Variants in GUCY2F observed in about 807,000 individuals in gnomAD.
The protein encoded by GUCY2F is guanylate cyclase 2F, retinal.
A neutral mutation model predicts 73.1 loss-of-function variants in GUCY2F; 61 were observed. That is an observed-to-expected ratio of 0.83 (90% CI 0.68 to 1.03). The LOEUF is 1.03. Among genes scored for constraint, GUCY2F ranks in the 50% least tolerant of loss-of-function variants. GUCY2F has a pLI of 0.00. For missense variants in GUCY2F, 912 were observed against 854.3 expected (o/e 1.07, Z -0.84); for synonymous variants, 331 against 307.8 (o/e 1.08, Z -0.79).
chrX:109,420,269 T>G (rs866331754), intron 8 of GUCY2F, among the ~76,000 whole-genome samples: 157 of 47,853 alleles, frequency 3.3e-3, no homozygotes, highest in Middle Eastern at 0.017. Flanking sequence ...GGGGGAGGGA[T>G]GGAGGGAGGG....
At chrX:109,425,788 C>CA (rs1931473977) in intron 8 of GUCY2F, among the ~76,000 whole-genome samples, 1 of 109,696 alleles carries the variant, frequency 9.1e-6, no homozygotes, top group South Asian at 3.9e-4. Context: ...CTGTTCCCCC[C>CA]AAAAAACTAT....
chrX:109,377,698 G>T (rs896273816), intron 17 of GUCY2F, among the ~76,000 whole-genome samples: 1 of 111,165 alleles, frequency 9.0e-6, no homozygotes, highest in Non-Finnish European at 1.9e-5. Flanking sequence ...AAACTCAAGG[G>T]CCCCCCACCC....
chrX:109,474,739 G>GT (rs1191212808), intron 2 of GUCY2F, among the ~76,000 whole-genome samples: 1 of 112,070 alleles, frequency 8.9e-6, no homozygotes, highest in Non-Finnish European at 1.9e-5. Flanking sequence ...CAGATTCTAA[G>GT]TAAGTGTCCC....
intron 3 of GUCY2F, among the ~76,000 whole-genome samples, chrX:109,458,767 G>C (rs545754391): frequency 5.9e-4 from 66 of 111,022 alleles, no homozygotes; most frequent in South Asian, 4.6e-3. Context: ...ATTAATTGAG[G>C]GGTTATCAGG....
intron 11 of GUCY2F, among the ~76,000 whole-genome samples, chrX:109,397,683 G>T (rs936104118): frequency 1.8e-5 from 2 of 111,847 alleles, no homozygotes; most frequent in Non-Finnish European, 3.8e-5. Flanking sequence ...GCATGTAATT[G>T]TTGTGTCTTT....
intron 7 of GUCY2F, among the ~76,000 whole-genome samples, chrX:109,434,116 C>T (rs1931678090): frequency 9.1e-6 from 1 of 110,287 alleles, no homozygotes; most frequent in African/African-American, 3.3e-5. Flanking sequence ...AAAGATGAGA[C>T]AAAGAGGAAA....
At chrX:109,454,190 G>A (rs1932206831) in intron 3 of GUCY2F, among the ~76,000 whole-genome samples, 1 of 111,932 alleles carries the variant, frequency 8.9e-6, no homozygotes, top group African/African-American at 3.2e-5. Flanking sequence ...GTATAGAATA[G>A]ACAAGGGGAG....
At chrX:109,458,377 A>T (rs1443314592) in intron 3 of GUCY2F, among the ~76,000 whole-genome samples, 1 of 111,679 alleles carries the variant, frequency 9.0e-6, no homozygotes, top group Non-Finnish European at 1.9e-5. Flanking sequence ...TCAACCACAA[A>T]ATGTAGATAT....
rs1445838644 is a variant in GUCY2F at position 109,475,198 on chromosome X, A to C, written c.730+9T>G. 1 of 1,189,958 alleles carries C rather than the reference A, an allele frequency of 8.4e-7. No homozygotes were observed. ...TCACGTTTAAATTTCAGCGGGAGAA[A>C]GCACTCACTGCGAATTCTGTCTGCC... On this transcript the variant is annotated intron_variant, in intron 2 of 19. Coordinates refer to ENST00000218006, the MANE Select transcript of GUCY2F (RefSeq NM_001522.3).
chrX:109,467,957 T>TA (rs1932503377), intron 2 of GUCY2F, among the ~76,000 whole-genome samples: 1 of 111,670 alleles, frequency 9.0e-6, no homozygotes, highest in Non-Finnish European at 1.9e-5. Flanking sequence ...CACATGGAGG[T>TA]AGAACAGCCC....
chrX:109,418,930 C>T (rs1931305291), intron 8 of GUCY2F, among the ~76,000 whole-genome samples: 2 of 110,077 alleles, frequency 1.8e-5, no homozygotes, highest in African/African-American at 3.3e-5. Context: ...ACAGATCATA[C>T]GGATATCAGT....
rs755991142 is a variant in GUCY2F at position 109,475,908 on chromosome X, C to G, written c.29G>C (p.Arg10Pro). Residue 10 changes from arginine (R) to proline (P), a missense_variant, in exon 2 of 20, where the codon CGC becomes CCC. Transcript: ENST00000218006. ...GAAAGCCGCAAACCAGAGAACAAGG[C>G]GAGAAAAGCGCCCGAGTCCCAGGAA... is the stretch of plus-strand genomic sequence containing the variant. MFLGLGRFS[R>P]LVLWFAAFRK... The G allele has an allele frequency of 1.7e-6, 2 of 1,206,196 alleles. No individual in the cohort carries two copies. Among genetic ancestry groups the G allele is most frequent in the Non-Finnish European group, 2.2e-6 (2 of 893,210 alleles).
chrX:109,414,242 G>A (rs1011315837), intron 8 of GUCY2F, among the ~76,000 whole-genome samples: 7 of 111,864 alleles, frequency 6.3e-5, no homozygotes, highest in Middle Eastern at 4.3e-3. Context: ...AAAGTGCTGG[G>A]ATTACAGGCA....
At chrX:109,413,453 G>A (rs1416698299) in intron 8 of GUCY2F, among the ~76,000 whole-genome samples, 1 of 109,593 alleles carries the variant, frequency 9.1e-6, no homozygotes, top group Non-Finnish European at 1.9e-5. Flanking sequence ...CACCTAGGTT[G>A]GAGTGCAGTG....
intron 7 of GUCY2F, among the ~76,000 whole-genome samples, chrX:109,436,052 AT>A (rs1464851906): frequency 9.0e-6 from 1 of 111,705 alleles, no homozygotes; most frequent in Non-Finnish European, 1.9e-5. Flanking sequence ...AAGGGCTAAT[AT>A]CCAGAATCTA....
rs1223150679 is a variant in GUCY2F at position 109,453,877 on chromosome X, A to G, written c.1033-18T>C. On this transcript the variant is annotated intron_variant, in intron 3 of 19. Coordinates refer to ENST00000218006, the MANE Select transcript of GUCY2F (RefSeq NM_001522.3). ...GGTGAAACCTATTTTTAAAAATTAC[A>G]ATTATCTTGAGCCCTGGTCGCCCTA... 2 of 983,775 alleles carry G rather than the reference A, an allele frequency of 2.0e-6. No homozygotes were observed. The highest frequency in any genetic ancestry group is 2.6e-5 in the Admixed American group (1 of 38,135). The allele number at this position is 983,775 out of a possible 1,213,427, so 81.1% of individuals were successfully genotyped here.
chrX:109,469,671 T>G (rs2300113), intron 2 of GUCY2F, among the ~76,000 whole-genome samples: 28,321 of 110,124 alleles, frequency 0.26, 3,403 homozygotes, highest in Non-Finnish European at 0.36. Flanking sequence ...GAGGGCAGCA[T>G]GCAGATTTAT....
chrX:109,478,796 G>A (rs1932743411), intron 1 of GUCY2F, among the ~76,000 whole-genome samples: 1 of 112,562 alleles, frequency 8.9e-6, no homozygotes, highest in Non-Finnish European at 1.9e-5. Flanking sequence ...TAAGTAACTT[G>A]CCTAAGGGCA....
chrX:109,464,930 C>T (rs771974823), intron 3 of GUCY2F, among the ~76,000 whole-genome samples: 4 of 112,137 alleles, frequency 3.6e-5, no homozygotes, highest in Non-Finnish European at 7.5e-5. Context: ...ATAATGTCAT[C>T]GTGGGCTGCT....
Sources: allele counts gnomAD v4.1 joint callset (sites outside exome capture counted in the v4.1 genomes callset), GRCh38; gene constraint gnomAD v4.1.1; transcripts MANE v1.5; gene names NCBI Gene and HGNC (gene_info 2026-07-23, HGNC 2026-07-21).